The following PRKN variants were observed in gnomAD, a reference collection of about 807,000 sequenced individuals.
PRKN encodes the protein E3 ubiquitin-protein ligase parkin.
PRKN carries 56 observed loss-of-function variants against 59.5 expected under a neutral mutation model. The ratio of observed to expected loss-of-function variants is 0.94; its 90% CI spans 0.76 to 1.18. PRKN has a LOEUF of 1.18. Ranked by LOEUF, PRKN falls within the 50% of genes most tolerant of loss-of-function variation. The pLI is 0.00. For synonymous variants in PRKN, 250 were observed against 222.1 expected (o/e 1.13, Z -1.12); for missense variants, 657 against 596.4 (o/e 1.10, Z -1.06).
At chr6:162,034,013 TGTA>T (rs1047737868) in intron 5 of PRKN, among the ~76,000 whole-genome samples, 1 of 152,028 alleles carries the variant, frequency 6.6e-6, no homozygotes, top group African/African-American at 2.4e-5. Flanking sequence ...ATTCAGATAA[TGTA>T]GTATAAACGA....
intron 6 of PRKN, among the ~76,000 whole-genome samples, chr6:161,923,490 T>C (rs1422730825): frequency 6.6e-6 from 1 of 152,184 alleles, no homozygotes; most frequent in Non-Finnish European, 1.5e-5. Context: ...CCTCCTCCTC[T>C]TCTTTTTATT....
At chr6:162,543,313 T>C (rs923907029) in intron 1 of PRKN, among the ~76,000 whole-genome samples, 2 of 152,108 alleles carry the variant, frequency 1.3e-5, no homozygotes, top group Admixed American at 1.3e-4. Context: ...GCTTCTTGGC[T>C]AATCTTAGCG....
intron 6 of PRKN, among the ~76,000 whole-genome samples, chr6:161,844,648 G>A (rs1347337092): frequency 6.6e-6 from 1 of 152,208 alleles, no homozygotes; most frequent in Admixed American, 6.5e-5. Flanking sequence ...CTACCACATT[G>A]GACAGCACAG....
At chr6:161,403,940 G>A (rs955394788) in intron 9 of PRKN, among the ~76,000 whole-genome samples, 2 of 152,084 alleles carry the variant, frequency 1.3e-5, no homozygotes, top group Non-Finnish European at 2.9e-5. Flanking sequence ...TCATGCTCTT[G>A]GACTTCCCAG....
At chr6:162,050,484 C>A (rs1306375912) in intron 5 of PRKN, among the ~76,000 whole-genome samples, 1 of 119,158 alleles carries the variant, frequency 8.4e-6, no homozygotes, top group Non-Finnish European at 1.8e-5. Flanking sequence ...CTTTTTTTTT[C>A]ATCTCTCAAT....
intron 5 of PRKN, among the ~76,000 whole-genome samples, chr6:162,051,518 G>T (rs896007474): frequency 1.3e-5 from 2 of 152,178 alleles, no homozygotes; most frequent in Admixed American, 1.3e-4. Flanking sequence ...CAGGAACAAT[G>T]TGTTCCTGCC....
At chr6:161,614,465 C>T (rs969814903) in intron 7 of PRKN, among the ~76,000 whole-genome samples, 22 of 152,150 alleles carry the variant, frequency 1.4e-4, no homozygotes, top group Non-Finnish European at 1.5e-5. Context: ...TTTAGCATGC[C>T]TTGCATTAGT....
chr6:161,924,161 T>A (rs1306177174), intron 6 of PRKN, among the ~76,000 whole-genome samples: 1 of 152,178 alleles, frequency 6.6e-6, no homozygotes, highest in Non-Finnish European at 1.5e-5. Context: ...TCAGATATTT[T>A]AGGTCAAGAG....
At chr6:162,674,563 G>GAT (rs1249449805) in intron 1 of PRKN, among the ~76,000 whole-genome samples, 1 of 152,184 alleles carries the variant, frequency 6.6e-6, no homozygotes. Context: ...AACACTGTGT[G>GAT]ATAGGATGCT....
At chr6:161,350,247 G>C (rs201468658) in intron 11 of PRKN, 36 bp from the exon 12 acceptor site, 2 of 1,455,140 alleles carry the variant, frequency 1.4e-6, no homozygotes, top group Non-Finnish European at 1.9e-6. Flanking sequence ...TGGTGGGTTC[G>C]CAGCAAGTAC....
intron 4 of PRKN, among the ~76,000 whole-genome samples, chr6:162,077,289 C>A (rs969895626): frequency 6.6e-6 from 1 of 152,082 alleles, no homozygotes; most frequent in Non-Finnish European, 1.5e-5. Flanking sequence ...ATAGGCTGAC[C>A]TATTCTCTTG....
chr6:161,875,064 CATTATATATAAAGTATATATGATAT>C (rs1230945626), intron 6 of PRKN, among the ~76,000 whole-genome samples: 1 of 77,156 alleles, frequency 1.3e-5, no homozygotes, highest in African/African-American at 6.6e-5. Flanking sequence ...AAAGTATATA[CATTATATATAAAGTATATATGATAT>C]ATTATATATA....
chr6:162,101,547 C>A (rs1318286680), intron 4 of PRKN, among the ~76,000 whole-genome samples: 2 of 151,860 alleles, frequency 1.3e-5, no homozygotes, highest in African/African-American at 2.4e-5. Context: ...TGGCGGGCGC[C>A]TGCAGTCCCA....
At chr6:162,168,500 A>C (rs1265872044) in intron 4 of PRKN, among the ~76,000 whole-genome samples, 2 of 138,148 alleles carry the variant, frequency 1.4e-5, no homozygotes, top group Non-Finnish European at 3.1e-5. Context: ...TCCAAGGGGA[A>C]TTATGACATT....
chr6:161,815,090 C>T (rs1353710500), intron 6 of PRKN, among the ~76,000 whole-genome samples: 1 of 152,186 alleles, frequency 6.6e-6, no homozygotes, highest in Non-Finnish European at 1.5e-5. Context: ...AGGGAACAGA[C>T]CATAAGCCGC....
chr6:162,281,209 T>G (rs1780891362), intron 2 of PRKN, among the ~76,000 whole-genome samples: 1 of 151,226 alleles, frequency 6.6e-6, no homozygotes, highest in South Asian at 2.1e-4. Context: ...AGGTGGGAAT[T>G]GAACAATGAG....
intron 7 of PRKN, among the ~76,000 whole-genome samples, chr6:161,659,802 G>A (rs541417787): frequency 6.6e-5 from 10 of 152,290 alleles, no homozygotes; most frequent in African/African-American, 9.6e-5. Flanking sequence ...GGTATCTGCA[G>A]AAGGAGGCGG....
chr6:162,257,898 A>G (rs753385898), intron 3 of PRKN, among the ~76,000 whole-genome samples: 5 of 151,980 alleles, frequency 3.3e-5, no homozygotes, highest in Non-Finnish European at 7.4e-5. Flanking sequence ...AAATTTTCTC[A>G]ACAGGGTCAA....
rs142409836 is a variant in PRKN, at chr6:162,119,702, G to A, written c.535-65528C>T. 6.6e-5 allele frequency among the ~76,000 whole-genome samples: 10 copies of A among 152,190 alleles called. No individual in the cohort carries two copies. The East Asian group carries it at 1.2e-3, about 18-fold the overall frequency. On this transcript the variant is annotated intron_variant, in intron 4 of 11. Transcript: ENST00000366898. Reference sequence around the variant, plus strand: ...CCCCTCTAAGGAGCCAGTGGCAAGCGGGTCTTTAGGTAAGAAGCCTTGAAG... The same window carrying A: ...CCCCTCTAAGGAGCCAGTGGCAAGCAGGTCTTTAGGTAAGAAGCCTTGAAG...
Sources: allele counts gnomAD v4.1 joint callset (sites outside exome capture counted in the v4.1 genomes callset), GRCh38; gene constraint gnomAD v4.1.1; transcripts MANE v1.5; gene names NCBI Gene and HGNC (gene_info 2026-07-23, HGNC 2026-07-21).